RAP1GAP: variants seen among roughly 807,000 people sequenced by gnomAD.
The protein encoded by RAP1GAP is rap1 GTPase-activating protein 1.
A neutral mutation model predicts 87.2 loss-of-function variants in RAP1GAP; 35 were observed. The ratio of observed to expected loss-of-function variants is 0.40; its 90% CI spans 0.31 to 0.53. RAP1GAP has a LOEUF of 0.53. Among genes scored for constraint, RAP1GAP ranks in the 20% least tolerant of loss-of-function variants. The probability of loss-of-function intolerance (pLI) is 0.48; values close to 1 mark genes in which losing one functional copy is unlikely to be tolerated. For synonymous variants in RAP1GAP, 375 were observed against 363.9 expected (o/e 1.03, Z -0.35); for missense variants, 734 against 898.9 (o/e 0.82, Z 2.35).
Position 21,610,240 on chromosome 1 carries a change from C to T in RAP1GAP, c.879G>A (p.Val293=), listed in dbSNP as rs776406645. The change falls in exon 14 of 25, where the codon GTG becomes GTA. Residue 293 remains valine (V), a synonymous_variant. Coordinates refer to ENST00000374765, the MANE Select transcript of RAP1GAP (RefSeq NM_002885.4). Reference sequence around the variant, plus strand: ...TGTTCTCATCCTGGAAGACCACAGCCACGATGTCGTTCCCGATGTGCCGCT... The same window carrying T: ...TGTTCTCATCCTGGAAGACCACAGCTACGATGTCGTTCCCGATGTGCCGCT... The part of the protein sequence containing the change: ...QRKRHIGNDI[V]AVVFQDENTP... 1.9e-6 allele frequency: 3 copies of T among 1,614,144 alleles called. No individual in the cohort carries two copies. Among genetic ancestry groups the T allele is most frequent in the Non-Finnish European group, 2.5e-6 (3 of 1,180,016 alleles).
At chr1:21,632,356 G>A (rs1013317488) in intron 2 of RAP1GAP, among the ~76,000 whole-genome samples, 1 of 152,176 alleles carries the variant, frequency 6.6e-6, no homozygotes, top group African/African-American at 2.4e-5. Flanking sequence ...ACCATCGTGA[G>A]TGCAGTTCTT....
chr1:21,605,508 C>T lies in RAP1GAP; in HGVS notation c.1428+558G>A, dbSNP rs146388739. Among the ~76,000 whole-genome samples, 322 of 152,040 alleles carry T rather than the reference C, an allele frequency of 2.1e-3. 2 individuals carry two copies. The highest frequency in any genetic ancestry group is 7.2e-3 in the African/African-American group (300 of 41,474). On this transcript the variant is annotated intron_variant, in intron 18 of 24. Transcript: ENST00000374765. ...AGCCCAGGGCTGCGCACACAGTAGGCGCTCACAGAGTTGATGCCCACACAG... is the reference window on the plus strand; with the variant it reads ...AGCCCAGGGCTGCGCACACAGTAGGTGCTCACAGAGTTGATGCCCACACAG...
chr1:21,635,703 A>G (rs1327498584), intron 2 of RAP1GAP, among the ~76,000 whole-genome samples: 2 of 152,196 alleles, frequency 1.3e-5, no homozygotes, highest in Non-Finnish European at 2.9e-5. Context: ...ACAACTCCCC[A>G]GGCGGGGTGA....
chr1:21,628,803 G>A (rs1477435575), intron 2 of RAP1GAP, among the ~76,000 whole-genome samples: 1 of 151,984 alleles, frequency 6.6e-6, no homozygotes, highest in Non-Finnish European at 1.5e-5. Flanking sequence ...CAGGAGAATT[G>A]CTTGAACCTG....
chr1:21,602,854 G>A lies in RAP1GAP; in HGVS notation c.1488C>T (p.Arg496=), dbSNP rs371072199. The A allele has an allele frequency of 3.7e-6, 6 of 1,609,942 alleles. No homozygotes were observed. In the African/African-American group the frequency reaches 6.7e-5, roughly 18 times the overall value. ...TCTCGATGCCAATGGCGCTGCTGCGGCGGGAGCCGAACGGGCCCGACTTCT... is the reference window on the plus strand; with the variant it reads ...TCTCGATGCCAATGGCGCTGCTGCGACGGGAGCCGAACGGGCCCGACTTCT... ...TRKKSGPFGS[R]RSSAIGIENI... The change falls in exon 19 of 25, where the codon CGC becomes CGT. Residue 496 remains arginine, a synonymous_variant. Transcript: ENST00000374765.
intron 2 of RAP1GAP, among the ~76,000 whole-genome samples, chr1:21,628,690 A>C (rs1374000458): frequency 6.6e-6 from 1 of 152,156 alleles, no homozygotes; most frequent in African/African-American, 2.4e-5. Context: ...ACTGCACTCC[A>C]GCCTGGCGAC....
intron 2 of RAP1GAP, among the ~76,000 whole-genome samples, chr1:21,643,883 C>T (rs1049479484): frequency 6.6e-6 from 1 of 152,212 alleles, no homozygotes; most frequent in Non-Finnish European, 1.5e-5. Flanking sequence ...GTCTACCTAA[C>T]AGAACTCAAA....
chr1:21,664,948 C>T (rs1254204684), intron 1 of RAP1GAP, among the ~76,000 whole-genome samples: 1 of 152,128 alleles, frequency 6.6e-6, no homozygotes, highest in Admixed American at 6.6e-5. Flanking sequence ...AGCTCGTCAT[C>T]CCCGTTCTAG....
At chr1:21,638,902 C>A (rs771653593) in intron 2 of RAP1GAP, among the ~76,000 whole-genome samples, 16 of 152,224 alleles carry the variant, frequency 1.1e-4, no homozygotes, top group Non-Finnish European at 1.9e-4. Context: ...TGTCCCTGAG[C>A]CAGGCGTCAC....
intron 1 of RAP1GAP, chr1:21,651,423 TGCACACACACGCGC>T (rs2096552646): frequency 1.8e-6 from 1 of 564,720 alleles, no homozygotes; most frequent in Non-Finnish European, 3.5e-6. Flanking sequence ...CACACACGCA[TGCACACACACGCGC>T]GCACACACAG....
At chr1:21,651,966 G>A in intron 1 of RAP1GAP, 2 of 615,436 alleles carry the variant, frequency 3.2e-6, no homozygotes, top group Non-Finnish European at 4.1e-6. Context: ...CGGTCCAGCT[G>A]CCGGGGGCCG....
chr1:21,617,318 G>A lies in RAP1GAP; in HGVS notation c.279C>T (p.His93=). The A allele has an allele frequency of 6.3e-7, 1 of 1,577,440 alleles. No individual in the cohort carries two copies. The highest frequency in any genetic ancestry group is 8.6e-7 in the Non-Finnish European group (1 of 1,161,038). Residue 93 remains histidine, a synonymous_variant, in exon 7 of 25, where the codon CAC becomes CAT. Coordinates refer to ENST00000374765, the MANE Select transcript of RAP1GAP (RefSeq NM_002885.4). The part of the protein sequence containing the change: ...CNPTARIYRK[H]FLGKEHFNYY... ...GCCGGCCACCCACCTTGCCGAGAAA[G>A]TGCTTCCGGTAGATGCGGGCTGTGG...
intron 1 of RAP1GAP, among the ~76,000 whole-genome samples, chr1:21,656,410 C>T (rs1382376285): frequency 8.2e-6 from 1 of 121,576 alleles, no homozygotes; most frequent in Non-Finnish European, 1.6e-5. Flanking sequence ...CATAGCAAGA[C>T]TCCATCTAAA....
intron 6 of RAP1GAP, 110 bp downstream of exon 6, chr1:21,617,824 A>T: frequency 6.8e-7 from 1 of 1,472,320 alleles, no homozygotes; most frequent in African/African-American, 1.4e-5. Flanking sequence ...TCCAGCCCGC[A>T]GCAAGGCCTG....
chr1:21,647,746 C>T (rs559456471), intron 2 of RAP1GAP, among the ~76,000 whole-genome samples: 1 of 152,296 alleles, frequency 6.6e-6, no homozygotes, highest in Admixed American at 6.5e-5. Context: ...TTCACGAATG[C>T]ATGCTCTGTA....
chr1:21,669,245 C>T lies in RAP1GAP; in HGVS notation c.-149+9G>A. 3 of 1,250,980 alleles carry T rather than the reference C, an allele frequency of 2.4e-6. No individual in the cohort carries two copies. 77.5% of individuals were successfully genotyped at this position (1,250,980 alleles called of 1,614,324 possible). A position where few individuals can be genotyped will look rare whatever the true frequency, so the allele number is the denominator to read the frequency against. Reference sequence around the variant, plus strand: ...TTCCAGGGCCGCAGCCCTGGCGGGGCGCACTCACCCAAGGGCCTGGGCCGG... The same window carrying T: ...TTCCAGGGCCGCAGCCCTGGCGGGGTGCACTCACCCAAGGGCCTGGGCCGG... On this transcript the variant is annotated intron_variant, in intron 1 of 24. Transcript: ENST00000374765. This position sits in a 1 kb window ranked among gnomAD's most constrained non-coding sequence, Gnocchi z 5.6.
In RAP1GAP at chr1:21,610,499, A is replaced by G. The variant is rs372818883; in HGVS notation, c.844-224T>C. On this transcript the variant is annotated intron_variant, in intron 13 of 24. Coordinates refer to ENST00000374765, the MANE Select transcript of RAP1GAP (RefSeq NM_002885.4). ...CTTTAGGTGATGAGGGTACACTAAT[A>G]TCCCAGACCTCACCACTATTCAATT... 3.9e-5 allele frequency among the ~76,000 whole-genome samples: 6 copies of G among 152,328 alleles called. No individual in the cohort carries two copies. The East Asian group carries it at 1.2e-3, about 29-fold the overall frequency.
intron 3 of RAP1GAP, among the ~76,000 whole-genome samples, chr1:21,620,615 C>G (rs757743120): frequency 6.6e-6 from 1 of 152,186 alleles, no homozygotes; most frequent in East Asian, 1.9e-4. Flanking sequence ...CCAGGGCACA[C>G]GCAGAGTTAA....
rs766615179 is a variant in RAP1GAP, at chr1:21,611,698, G to A, written c.713+18C>T. The A allele has an allele frequency of 2.5e-6, 4 of 1,611,900 alleles. No homozygotes were observed. Among genetic ancestry groups the A allele is most frequent in the Non-Finnish European group, 3.4e-6 (4 of 1,177,950 alleles). On this transcript the variant is annotated intron_variant, in intron 12 of 24. Coordinates refer to ENST00000374765, the MANE Select transcript of RAP1GAP (RefSeq NM_002885.4). ...CACAAGTCAGATTACACTCTGCTCA[G>A]CCCACCCTAATACTCACCCCTTAAA...
Sources: gnomAD v4.1 joint callset for allele counts (sites outside exome capture counted in the v4.1 genomes callset) on GRCh38, gnomAD v4.1.1 for gene constraint, Gnocchi (gnomAD v3.1) non-coding constraint, MANE v1.5 for transcripts, NCBI Gene and HGNC (gene_info 2026-07-23, HGNC 2026-07-21) for gene names.